MAPK10: variants seen among roughly 807,000 people sequenced by gnomAD.
MAPK10 encodes JNK3 alpha protein kinase.
MAPK10 carries 25 observed loss-of-function variants against 59.3 expected under a neutral mutation model. That is an observed-to-expected ratio of 0.42 (90% CI 0.31 to 0.59). The LOEUF (loss-of-function observed/expected upper bound fraction) is 0.59, where lower values mean the gene tolerates loss of function less well. Among genes scored for constraint, MAPK10 ranks in the 20% least tolerant of loss-of-function variants. The pLI is 0.15. For missense variants in MAPK10, 351 were observed against 568.9 expected (o/e 0.62, Z 3.90); for synonymous variants, 190 against 200.5 (o/e 0.95, Z 0.44).
intron 2 of MAPK10, among the ~76,000 whole-genome samples, chr4:86,297,402 C>A (rs182234647): frequency 2.6e-5 from 4 of 152,228 alleles, no homozygotes; most frequent in Admixed American, 6.5e-5. Flanking sequence ...CCCTGCCTCC[C>A]GGATTCAAGC....
intron 1 of MAPK10, among the ~76,000 whole-genome samples, chr4:86,378,121 C>A (rs917172013): frequency 6.6e-6 from 1 of 152,146 alleles, no homozygotes; most frequent in Non-Finnish European, 1.5e-5. Flanking sequence ...CATGTGATAA[C>A]TTATATTACA....
chr4:86,245,542 C>G (rs2093030534), intron 2 of MAPK10, among the ~76,000 whole-genome samples: 1 of 151,996 alleles, frequency 6.6e-6, no homozygotes. Flanking sequence ...CTATATTGCC[C>G]AGGCTGGTCT....
intron 1 of MAPK10, among the ~76,000 whole-genome samples, chr4:86,500,891 A>C (rs1755252313): frequency 6.6e-6 from 1 of 152,118 alleles, no homozygotes; most frequent in African/African-American, 2.4e-5. Context: ...GCACAATTTA[A>C]ATCTATATAC....
At chr4:86,399,374 C>T (rs773319419) in intron 1 of MAPK10, among the ~76,000 whole-genome samples, 17 of 152,092 alleles carry the variant, frequency 1.1e-4, no homozygotes, top group Non-Finnish European at 2.1e-4. Context: ...AGCTTATTTT[C>T]ATATGTTTCT....
At chr4:86,552,779 T>C (rs1759956335) in intron 1 of MAPK10, among the ~76,000 whole-genome samples, 2 of 152,130 alleles carry the variant, frequency 1.3e-5, no homozygotes, top group South Asian at 4.2e-4. Context: ...ATTAAGATAA[T>C]GTTTCCCTCC....
At chr4:86,161,892 C>G (rs2069821820) in intron 3 of MAPK10, among the ~76,000 whole-genome samples, 1 of 152,034 alleles carries the variant, frequency 6.6e-6, no homozygotes. Flanking sequence ...GCTATGGTCT[C>G]AGTCAATATA....
At chr4:86,435,048 A>G (rs938176724) in intron 1 of MAPK10, among the ~76,000 whole-genome samples, 1 of 152,240 alleles carries the variant, frequency 6.6e-6, no homozygotes, top group African/African-American at 2.4e-5. Context: ...CCACAGAAAG[A>G]CAAATATCAC....
rs929363331 is a variant in MAPK10, at chr4:86,404,197, C to CT, written c.-122+48832dup. Among the ~76,000 whole-genome samples the CT allele has an allele frequency of 3.3e-4, 49 of 149,538 alleles. 1 individual carries two copies. In the South Asian group the frequency reaches 3.4e-3, roughly 10 times the overall value. The stretch of plus-strand genomic sequence containing the variant: ...CAAAGTTCAGAGCCTAAACAATATT[C>CT]TTTTTTTTTTCTAGTGAAATGTTTT... On this transcript the variant is annotated intron_variant, in intron 1 of 13. Transcript: ENST00000361569.
rs112462504 is a variant in MAPK10 at position 86,368,779 on chromosome 4, A to AT, written c.-121-14136dup. Among the ~76,000 whole-genome samples, 1,083 of 149,850 alleles carry AT rather than the reference A, an allele frequency of 7.2e-3. 20 individuals are homozygous for AT. The East Asian group carries it at 0.075, about 10-fold the overall frequency. On this transcript the variant is annotated intron_variant, in intron 1 of 13. Transcript: ENST00000361569. The stretch of plus-strand genomic sequence containing the variant: ...CACAACTTTTCAGTATCCTAATAGC[A>AT]TTTTTTTTTTGAAAGTCTGAATGTA...
intron 1 of MAPK10, among the ~76,000 whole-genome samples, chr4:86,475,738 C>G (rs1262710381): frequency 6.6e-6 from 1 of 152,090 alleles, no homozygotes; most frequent in Non-Finnish European, 1.5e-5. Flanking sequence ...CCCTTAGCGG[C>G]AAGTACCGCT....
intron 1 of MAPK10, among the ~76,000 whole-genome samples, chr4:86,442,919 CT>C (rs1749582003): frequency 6.6e-6 from 1 of 152,142 alleles, no homozygotes; most frequent in Admixed American, 6.5e-5. Flanking sequence ...AAACACCATT[CT>C]AACAACAAGG....
At chr4:86,503,672 C>A (rs555142297) in intron 1 of MAPK10, among the ~76,000 whole-genome samples, 39 of 152,220 alleles carry the variant, frequency 2.6e-4, no homozygotes, top group Middle Eastern at 6.8e-3. Flanking sequence ...TAATCTATTT[C>A]ACAAACAGCC....
chr4:86,584,844 C>A (rs966228510), intron 1 of MAPK10, among the ~76,000 whole-genome samples: 1 of 152,142 alleles, frequency 6.6e-6, no homozygotes, highest in Admixed American at 6.5e-5. Flanking sequence ...TAACTCTTCA[C>A]CCAATTCAAG....
At chr4:86,053,502 C>T (rs983607779) in intron 11 of MAPK10, among the ~76,000 whole-genome samples, 7 of 152,050 alleles carry the variant, frequency 4.6e-5, no homozygotes, top group Admixed American at 1.3e-4. Context: ...CTACTTATCT[C>T]GAGGCAAAGC....
chr4:86,415,817 C>A (rs1423186100), intron 1 of MAPK10, among the ~76,000 whole-genome samples: 1 of 152,124 alleles, frequency 6.6e-6, no homozygotes, highest in Non-Finnish European at 1.5e-5. Flanking sequence ...TAGGAACTTA[C>A]AATAGTTATA....
chr4:86,261,728 C>T (rs191174204), intron 2 of MAPK10, among the ~76,000 whole-genome samples: 260 of 152,338 alleles, frequency 1.7e-3, no homozygotes, highest in African/African-American at 5.9e-3. Flanking sequence ...TCAGAGACCA[C>T]AGAAGCCCTG....
chr4:86,084,935 A>T (rs540019410), intron 9 of MAPK10, among the ~76,000 whole-genome samples: 1 of 152,202 alleles, frequency 6.6e-6, no homozygotes, highest in Non-Finnish European at 1.5e-5. Flanking sequence ...GAACCCAGAA[A>T]CAAATCCACA....
intron 1 of MAPK10, among the ~76,000 whole-genome samples, chr4:86,435,817 G>A (rs1365455106): frequency 4.6e-5 from 7 of 152,156 alleles, no homozygotes; most frequent in African/African-American, 1.2e-4. Context: ...TTATTTGGCT[G>A]TAATCTTACT....
chr4:86,543,315 C>A (rs1037915147), intron 1 of MAPK10, among the ~76,000 whole-genome samples: 5 of 152,118 alleles, frequency 3.3e-5, no homozygotes, highest in Non-Finnish European at 7.4e-5. Context: ...CTTTTTTCTT[C>A]TTCCATTCTT....
Sources: gnomAD v4.1 joint callset for allele counts (sites outside exome capture counted in the v4.1 genomes callset) on GRCh38, gnomAD v4.1.1 for gene constraint, MANE v1.5 for transcripts, NCBI Gene and HGNC (gene_info 2026-07-23, HGNC 2026-07-21) for gene names.